ZNF891: variants seen among roughly 807,000 people sequenced by gnomAD.
ZNF891 encodes hCG1646157.
For synonymous variants in ZNF891, 199 were observed against 209.0 expected (o/e 0.95, Z 0.41); for missense variants, 589 against 632.7 (o/e 0.93, Z 0.74).
rs1955538670 is a variant in ZNF891, at chr12:133,105,071, T to TC, written c.*15212dup. Among the ~76,000 whole-genome samples the TC allele has an allele frequency of 6.6e-6, 1 of 152,218 alleles. No individual in the cohort carries two copies. Among genetic ancestry groups the TC allele is most frequent in the African/African-American group, 2.4e-5 (1 of 41,456 alleles). ...GTTTTCAGAGAAACCGCTTTTTTTT[T>TC]CATTTAGATTATTATAAGATGTTCC... On this transcript the variant is annotated 3_prime_UTR_variant, in exon 2 of 2. Transcript: ENST00000537226.
rs1955707616 is a variant in ZNF891 at position 133,115,034 on chromosome 12, A to G, written c.*5250T>C. 3 of 152,354 alleles carry G rather than the reference A, an allele frequency of 2.0e-5. 1 individual carries two copies. The South Asian group carries it at 6.2e-4, about 32-fold the overall frequency. 9.4% of individuals were successfully genotyped at this position (152,354 alleles called of 1,614,324 possible). A position where few individuals can be genotyped will look rare whatever the true frequency, so the allele number is the denominator to read the frequency against. The stretch of plus-strand genomic sequence containing the variant: ...ATCAAATACATTATGGTACAAGCAT[A>G]TAATCAAATACTAAGCAGCTATTAC... On this transcript the variant is annotated 3_prime_UTR_variant, in exon 2 of 2. Coordinates refer to ENST00000537226, the MANE Select transcript of ZNF891 (RefSeq NM_001277291.2).
intron 1 of ZNF891, chr12:133,126,095 CT>C (rs1156574339): frequency 4.2e-5 from 7 of 166,984 alleles, no homozygotes; most frequent in African/African-American, 1.7e-4. Flanking sequence ...GAGATATTTC[CT>C]CTATGAAATA....
Position 133,106,912 on chromosome 12 carries a change from GAGA to G in ZNF891, c.*13369_*13371del. The G allele has an allele frequency of 3.4e-6, 1 of 290,462 alleles. No individual in the cohort carries two copies. The highest frequency in any genetic ancestry group is 6.4e-6 in the Non-Finnish European group (1 of 155,768). The allele number at this position is 290,462 out of a possible 1,614,324, so 18.0% of individuals were successfully genotyped here. On this transcript the variant is annotated 3_prime_UTR_variant, in exon 2 of 2. Transcript: ENST00000537226. ...GAAGATTCTTCCATCTGGTAATGTT[GAGA>G]AGACTTCATTTGGTAGGAGTCCCTT...
chr12:133,126,065 T>A (rs1211745283), intron 1 of ZNF891: 1 of 164,258 alleles, frequency 6.1e-6, no homozygotes, highest in African/African-American at 2.4e-5. Flanking sequence ...GAAAACTTCA[T>A]AATTTGAAAA....
rs950740947 is a variant in ZNF891, at chr12:133,114,830, G to C, written c.*5454C>G. ...GAGTTTGAGCAAGGTCTTGTAAAAA[G>C]ATTTTATCTTAACTGGAGAAAAAGG... On this transcript the variant is annotated 3_prime_UTR_variant, in exon 2 of 2. Transcript: ENST00000537226. The C allele has an allele frequency of 6.6e-6, 1 of 152,158 alleles. No individual in the cohort carries two copies. Among genetic ancestry groups the C allele is most frequent in the Non-Finnish European group, 1.5e-5 (1 of 68,042 alleles). 9.4% of individuals were successfully genotyped at this position (152,158 alleles called of 1,614,324 possible).
intron 1 of ZNF891, chr12:133,122,387 C>G (rs1314685240): frequency 9.2e-6 from 2 of 218,516 alleles, no homozygotes; most frequent in East Asian, 1.8e-4. Flanking sequence ...GACAGAAAAA[C>G]AAACAATTTC....
chr12:133,118,824 C>G lies in ZNF891; in HGVS notation c.*1460G>C, dbSNP rs1162984287. Reference sequence around the variant, plus strand: ...TTCCATACTTTTTTTCTATGTTCCTCTTCAAATGTGTACATCCAACATAAA... The same window carrying G: ...TTCCATACTTTTTTTCTATGTTCCTGTTCAAATGTGTACATCCAACATAAA... On this transcript the variant is annotated 3_prime_UTR_variant, in exon 2 of 2. Coordinates refer to ENST00000537226, the MANE Select transcript of ZNF891 (RefSeq NM_001277291.2). 1 of 152,166 alleles carries G rather than the reference C, an allele frequency of 6.6e-6. No individual in the cohort carries two copies. The highest frequency in any genetic ancestry group is 1.5e-5 in the Non-Finnish European group (1 of 68,030). The allele number at this position is 152,166 out of a possible 1,614,324, so 9.4% of individuals were successfully genotyped here.
rs1955712868 is a variant in ZNF891 at position 133,115,872 on chromosome 12, T to C, written c.*4412A>G. ...ATACCTACTAGTTGAGCATCACAAA[T>C]CTGAAAATCCAAAATTTTAAATGCT... On this transcript the variant is annotated 3_prime_UTR_variant, in exon 2 of 2. Coordinates refer to ENST00000537226, the MANE Select transcript of ZNF891 (RefSeq NM_001277291.2). 1 of 152,180 alleles carries C rather than the reference T, an allele frequency of 6.6e-6. No homozygotes were observed. The highest frequency in any genetic ancestry group is 2.4e-5 in the African/African-American group (1 of 41,444). 9.4% of individuals were successfully genotyped at this position (152,180 alleles called of 1,614,324 possible). A position where few individuals can be genotyped will look rare whatever the true frequency, so the allele number is the denominator to read the frequency against.
Position 133,114,094 on chromosome 12 carries a change from C to T in ZNF891, c.*6190G>A, listed in dbSNP as rs1426139390. 1 of 152,250 alleles carries T rather than the reference C, an allele frequency of 6.6e-6. No homozygotes were observed. The highest frequency in any genetic ancestry group is 2.1e-4 in the South Asian group (1 of 4,824). 9.4% of individuals were successfully genotyped at this position (152,250 alleles called of 1,614,324 possible). ...GACACACCCACCAATACTTGGTCAA[C>T]TCATCCCTTTTCATATTATAATACA... On this transcript the variant is annotated 3_prime_UTR_variant, in exon 2 of 2. Transcript: ENST00000537226.
chr12:133,113,186 C>G lies in ZNF891; in HGVS notation c.*7098G>C, dbSNP rs1189886027. 2 of 150,752 alleles carry G rather than the reference C, an allele frequency of 1.3e-5. No homozygotes were observed. The highest frequency in any genetic ancestry group is 4.9e-5 in the African/African-American group (2 of 41,174). The allele number at this position is 150,752 out of a possible 1,614,324, so 9.3% of individuals were successfully genotyped here. On this transcript the variant is annotated 3_prime_UTR_variant, in exon 2 of 2. Coordinates refer to ENST00000537226, the MANE Select transcript of ZNF891 (RefSeq NM_001277291.2). ...TGAAAAGAATCTATGTGTCCAACAA[C>G]AGCCTAAGCAAATTATTTACTTTAC...
Position 133,110,976 on chromosome 12 carries a change from A to G in ZNF891, c.*9308T>C, listed in dbSNP as rs1955678999. The G allele has an allele frequency of 6.6e-6, 1 of 152,228 alleles. No homozygotes were observed. The highest frequency in any genetic ancestry group is 6.6e-5 in the Admixed American group (1 of 15,262). 9.4% of individuals were successfully genotyped at this position (152,228 alleles called of 1,614,324 possible). ...TCAACAAAACAAAACAAAACCAACAAAAGAAAAAGAAAAGAGAAAAAGGAC... is the reference window on the plus strand; with the variant it reads ...TCAACAAAACAAAACAAAACCAACAGAAGAAAAAGAAAAGAGAAAAAGGAC... On this transcript the variant is annotated 3_prime_UTR_variant, in exon 2 of 2. Transcript: ENST00000537226.
Position 133,105,982 on chromosome 12 carries a change from C to G in ZNF891, c.*14302G>C. On this transcript the variant is annotated 3_prime_UTR_variant, in exon 2 of 2. Coordinates refer to ENST00000537226, the MANE Select transcript of ZNF891 (RefSeq NM_001277291.2). Reference sequence around the variant, plus strand: ...GTTACCTTTCATTTCTTATTGAACACCAGAGAACGCACACTGGGGAGAAAC... The same window carrying G: ...GTTACCTTTCATTTCTTATTGAACAGCAGAGAACGCACACTGGGGAGAAAC... 1.2e-6 allele frequency: 2 copies of G among 1,614,084 alleles called. No homozygotes were observed. Among genetic ancestry groups the G allele is most frequent in the South Asian group, 1.1e-5 (1 of 91,068 alleles).
At chr12:133,126,954 A>G (rs1026318331) in intron 1 of ZNF891, among the ~76,000 whole-genome samples, 4 of 151,334 alleles carry the variant, frequency 2.6e-5, no homozygotes, top group African/African-American at 9.7e-5. Flanking sequence ...GAAGAAACAA[A>G]CAAGTACAGG....
rs951461838 is a variant in ZNF891, at chr12:133,108,070, A to G, written c.*12214T>C. The stretch of plus-strand genomic sequence containing the variant: ...TGCCATTGGCATGCCATATTGGTAC[A>G]TACATTTAGAAGCTTCTCAAGTTTC... On this transcript the variant is annotated 3_prime_UTR_variant, in exon 2 of 2. Coordinates refer to ENST00000537226, the MANE Select transcript of ZNF891 (RefSeq NM_001277291.2). 1.3e-5 allele frequency: 2 copies of G among 152,178 alleles called. No individual in the cohort carries two copies. The highest frequency in any genetic ancestry group is 4.8e-5 in the African/African-American group (2 of 41,432). 9.4% of individuals were successfully genotyped at this position (152,178 alleles called of 1,614,324 possible).
In ZNF891 at chr12:133,120,432, G is replaced by A. The variant is rs776438017; in HGVS notation, c.1487C>T (p.Ala496Val). The A allele has an allele frequency of 2.7e-5, 44 of 1,604,660 alleles. No individual in the cohort carries two copies. Among genetic ancestry groups the A allele is most frequent in the Non-Finnish European group, 3.4e-5 (40 of 1,176,122 alleles). ...CCTAAGGGAAGAGGAAACACTGAAG[G>A]CTTTCCTACATTCCTTACATTCATA... ...KPYECKECRKAFSVSSSLRRH... is the reference protein window; with the variant it reads ...KPYECKECRKVFSVSSSLRRH... The change falls in exon 2 of 2, where the codon GCC becomes GTC. Residue 496 changes from alanine to valine, a missense_variant. By Grantham distance (64) the Ala-to-Val change is moderately conservative. Coordinates refer to ENST00000537226, the MANE Select transcript of ZNF891 (RefSeq NM_001277291.2).
rs775490721 is a variant in ZNF891 at position 133,120,555 on chromosome 12, G to A, written c.1364C>T (p.Thr455Ile). 6.4e-7 allele frequency: 1 copy of A among 1,561,256 alleles called. No individual in the cohort carries two copies. Among genetic ancestry groups the A allele is most frequent in the Middle Eastern group, 1.7e-4 (1 of 6,004 alleles). The change falls in exon 2 of 2, where the codon ACC becomes ATC. Residue 455 changes from threonine to isoleucine, a missense_variant. Thr to Ile is a moderately conservative substitution (Grantham distance 89, BLOSUM62 -1). Transcript: ENST00000537226. The stretch of plus-strand genomic sequence containing the variant: ...ACTGCATTCATAAACATTCTCTCCG[G>A]TATGAATTTTCTTATGAACTTTAAG... The part of the protein sequence containing the change: ...SHLKVHKKIH[T>I]GENVYECSDC...
chr12:133,110,464 C>T lies in ZNF891; in HGVS notation c.*9820G>A, dbSNP rs1450083106. 2 of 152,046 alleles carry T rather than the reference C, an allele frequency of 1.3e-5. No individual in the cohort carries two copies. Among genetic ancestry groups the T allele is most frequent in the African/African-American group, 2.4e-5 (1 of 41,370 alleles). 9.4% of individuals were successfully genotyped at this position (152,046 alleles called of 1,614,324 possible). On this transcript the variant is annotated 3_prime_UTR_variant, in exon 2 of 2. Transcript: ENST00000537226. Reference sequence around the variant, plus strand: ...AGAAGTTACTATGAATGCAGAAAGGCGACAGAACAACAGATGCAATCAATA... The same window carrying T: ...AGAAGTTACTATGAATGCAGAAAGGTGACAGAACAACAGATGCAATCAATA...
chr12:133,118,531 C>T lies in ZNF891; in HGVS notation c.*1753G>A, dbSNP rs1241803625. On this transcript the variant is annotated 3_prime_UTR_variant, in exon 2 of 2. Transcript: ENST00000537226. The stretch of plus-strand genomic sequence containing the variant: ...AGGCTAACATGAATAACTACAACAG[C>T]AGCTACTGCCTTCTTTCTTCCACCG... 1.3e-5 allele frequency: 2 copies of T among 152,238 alleles called. No individual in the cohort carries two copies. The highest frequency in any genetic ancestry group is 4.8e-5 in the African/African-American group (2 of 41,450). The allele number at this position is 152,238 out of a possible 1,614,324, so 9.4% of individuals were successfully genotyped here.
At position 133,121,390 on chromosome 12, in the gene ZNF891, A is replaced by C; in HGVS notation, c.529T>G (p.Tyr177Asp). Residue 177 changes from tyrosine (Y) to aspartate (D), a missense_variant, in exon 2 of 2, where the codon TAT becomes GAT. Coordinates refer to ENST00000537226, the MANE Select transcript of ZNF891 (RefSeq NM_001277291.2). Reference sequence around the variant, plus strand: ...TGAGGTACTGTTTTCTTTGGGGCATATATCATTTGCCTCCAATGTCCCCCT... The same window carrying C: ...TGAGGTACTGTTTTCTTTGGGGCATCTATCATTTGCCTCCAATGTCCCCCT... ...IPGGHWRQMIYAPKKTVPQEL... is the reference protein window; with the variant it reads ...IPGGHWRQMIDAPKKTVPQEL... The C allele has an allele frequency of 6.5e-7, 1 of 1,536,120 alleles. No individual in the cohort carries two copies. The highest frequency in any genetic ancestry group is 8.7e-7 in the Non-Finnish European group (1 of 1,146,904).
Sources: allele counts gnomAD v4.1 joint callset (sites outside exome capture counted in the v4.1 genomes callset), GRCh38; gene constraint gnomAD v4.1.1; transcripts MANE v1.5; gene names NCBI Gene and HGNC (gene_info 2026-07-23, HGNC 2026-07-21).